The following FAM184A variants were observed in gnomAD, a reference collection of about 807,000 sequenced individuals.
FAM184A encodes protein FAM184A.
FAM184A carries 99 observed loss-of-function variants against 143.8 expected under a neutral mutation model. That is an observed-to-expected ratio of 0.69 (90% confidence interval 0.58 to 0.81). The LOEUF (loss-of-function observed/expected upper bound fraction) is 0.81, where lower values mean the gene tolerates loss of function less well. Ranked by LOEUF, FAM184A falls within the 40% of genes least tolerant of loss-of-function variation. The pLI is 0.00. For missense variants in FAM184A, 1,217 were observed against 1,310.5 expected (o/e 0.93, Z 1.10); for synonymous variants, 427 against 446.4 (o/e 0.96, Z 0.55).
chr6:119,087,495 A>ACATCACT (rs1172880881), intron 1 of FAM184A, among the ~76,000 whole-genome samples: 1 of 152,210 alleles, frequency 6.6e-6, no homozygotes, highest in African/African-American at 2.4e-5. Flanking sequence ...AGATGGTCAA[A>ACATCACT]ACATCACTAA....
chr6:119,085,492 C>A (rs1412809356), intron 1 of FAM184A, among the ~76,000 whole-genome samples: 1 of 142,342 alleles, frequency 7.0e-6, no homozygotes, highest in Non-Finnish European at 1.6e-5. Context: ...ATATCACTAA[C>A]AACATTTTGG....
At chr6:119,050,811 C>CAA (rs1239635141) in intron 1 of FAM184A, among the ~76,000 whole-genome samples, 16 of 74,984 alleles carry the variant, frequency 2.1e-4, no homozygotes, top group East Asian at 6.3e-4. Flanking sequence ...GACTCCGTCT[C>CAA]AAAAAAAAAA....
intron 1 of FAM184A, among the ~76,000 whole-genome samples, chr6:119,096,300 C>T (rs1443544554): frequency 6.6e-6 from 1 of 152,158 alleles, no homozygotes; most frequent in Non-Finnish European, 1.5e-5. Flanking sequence ...TAACGTGGTA[C>T]TGCTTTGAAA....
chr6:119,099,219 T>C (rs774343244), intron 1 of FAM184A, among the ~76,000 whole-genome samples: 7 of 152,070 alleles, frequency 4.6e-5, no homozygotes, highest in Non-Finnish European at 8.8e-5. Context: ...CCTATGCATC[T>C]CTTCATCGTA....
chr6:119,035,802 C>T (rs1007229312), intron 1 of FAM184A, among the ~76,000 whole-genome samples: 1 of 152,128 alleles, frequency 6.6e-6, no homozygotes, highest in South Asian at 2.1e-4. Context: ...CACCCTGTCA[C>T]CCTCCTTTCA....
intron 9 of FAM184A, among the ~76,000 whole-genome samples, chr6:118,996,005 T>A (rs985135590): frequency 2.0e-5 from 3 of 152,180 alleles, no homozygotes; most frequent in Non-Finnish European, 4.4e-5. Flanking sequence ...TAACGCACAC[T>A]CTCTTTTAAA....
intron 1 of FAM184A, among the ~76,000 whole-genome samples, chr6:119,048,761 C>G (rs1186889575): frequency 2.0e-5 from 3 of 152,006 alleles, no homozygotes; most frequent in Non-Finnish European, 4.4e-5. Flanking sequence ...TTACCAGAGG[C>G]TGGGAAGGGT....
intron 9 of FAM184A, among the ~76,000 whole-genome samples, chr6:119,001,183 T>C (rs1248544989): frequency 6.7e-6 from 1 of 149,852 alleles, no homozygotes; most frequent in Non-Finnish European, 1.5e-5. Context: ...TTTACTTTAA[T>C]GGGGCATCTT....
chr6:119,146,478 T>C (rs1360371428), intron 1 of FAM184A, among the ~76,000 whole-genome samples: 1 of 151,216 alleles, frequency 6.6e-6, no homozygotes, highest in African/African-American at 2.4e-5. Flanking sequence ...TTACCCAGGC[T>C]GGAGTGTGGT....
At chr6:119,074,713 A>G (rs1340341153) in intron 1 of FAM184A, among the ~76,000 whole-genome samples, 2 of 152,244 alleles carry the variant, frequency 1.3e-5, no homozygotes, top group Non-Finnish European at 2.9e-5. Flanking sequence ...GTCTTATAAA[A>G]CATAATTGAA....
At chr6:119,133,575 T>C (rs1301750194) in intron 1 of FAM184A, among the ~76,000 whole-genome samples, 1 of 152,058 alleles carries the variant, frequency 6.6e-6, no homozygotes, top group African/African-American at 2.4e-5. Context: ...GTTGGGCCTT[T>C]GTACCTCATG....
At chr6:119,116,378 G>T (rs1054228625) in intron 1 of FAM184A, among the ~76,000 whole-genome samples, 2 of 152,116 alleles carry the variant, frequency 1.3e-5, no homozygotes, top group African/African-American at 4.8e-5. Context: ...GGGGGCATGG[G>T]CTAAAGGACC....
chr6:119,142,295 G>A (rs1056378844), intron 1 of FAM184A, among the ~76,000 whole-genome samples: 1 of 152,104 alleles, frequency 6.6e-6, no homozygotes, highest in African/African-American at 2.4e-5. Flanking sequence ...AAGCCCTGAT[G>A]GTGTCACTTC....
At chr6:119,051,300 G>A (rs1459747883) in intron 1 of FAM184A, among the ~76,000 whole-genome samples, 1 of 152,156 alleles carries the variant, frequency 6.6e-6, no homozygotes, top group Non-Finnish European at 1.5e-5. Flanking sequence ...AAAACACTAC[G>A]TGTTCTCACT....
chr6:119,074,002 G>C (rs187803676), intron 1 of FAM184A, among the ~76,000 whole-genome samples: 1 of 152,300 alleles, frequency 6.6e-6, no homozygotes, highest in Non-Finnish European at 1.5e-5. Flanking sequence ...AGAGGCTGAG[G>C]AAGGAGTAAG....
Position 118,975,020 on chromosome 6 carries a change from A to G in FAM184A, c.2768+4T>C. ...TATTCCTTCTGTTGTACTTAATGGC[A>G]TACCTTATCTGTTGGTTAGATTCAC... On this transcript the variant is annotated splice_donor_region_variant and intron_variant, in intron 13 of 17. Coordinates refer to ENST00000338891, the MANE Select transcript of FAM184A (RefSeq NM_024581.6). 4.4e-6 allele frequency: 7 copies of G among 1,608,570 alleles called. No homozygotes were observed. Among genetic ancestry groups the G allele is most frequent in the Non-Finnish European group, 6.0e-6 (7 of 1,176,220 alleles).
rs9374770 is a variant in FAM184A, at chr6:118,978,191, G to A, written c.2455+1174C>T. On this transcript the variant is annotated intron_variant, in intron 11 of 17. Transcript: ENST00000338891. ...TTGGTCAGGCTGATCTCAAAATCCCGCCCTCAGGTGATCCACCTGCCTCAG... is the reference window on the plus strand; with the variant it reads ...TTGGTCAGGCTGATCTCAAAATCCCACCCTCAGGTGATCCACCTGCCTCAG... 3.9e-3 allele frequency among the ~76,000 whole-genome samples: 593 copies of A among 152,130 alleles called. 10 individuals carry two copies. The highest frequency in any genetic ancestry group is 0.039 in the East Asian group (200 of 5,168).
chr6:119,112,572 C>G (rs1032606541), intron 1 of FAM184A, among the ~76,000 whole-genome samples: 11 of 152,182 alleles, frequency 7.2e-5, no homozygotes, highest in African/African-American at 2.7e-4. Flanking sequence ...TCTCCTTTAT[C>G]CTTTTCACTT....
chr6:119,051,116 AC>A (rs57722733), intron 1 of FAM184A, among the ~76,000 whole-genome samples: 7,925 of 151,730 alleles, frequency 0.052, 294 homozygotes, highest in East Asian at 0.2. Flanking sequence ...TACATAACAA[AC>A]TCACACATGT....
Sources: gnomAD v4.1 joint callset for allele counts (sites outside exome capture counted in the v4.1 genomes callset) on GRCh38, gnomAD v4.1.1 for gene constraint, MANE v1.5 for transcripts, NCBI Gene and HGNC (gene_info 2026-07-23, HGNC 2026-07-21) for gene names.